The following TMEM131 variants were observed in gnomAD, a reference collection of about 807,000 sequenced individuals.
TMEM131 encodes 2610524E03Rik.
Under a neutral mutation model 211.6 loss-of-function variants are expected in TMEM131, and 66 were observed. The ratio of observed to expected loss-of-function variants is 0.31; its 90% CI spans 0.26 to 0.38. TMEM131 has a LOEUF of 0.38. Ranked by LOEUF, TMEM131 falls within the 10% of genes least tolerant of loss-of-function variation. TMEM131 has a pLI of 1.00. For synonymous variants in TMEM131, 844 were observed against 841.3 expected, an observed-to-expected ratio of 1.00 and a Z score of -0.06; for missense variants, 2,036 against 2,299.3, an observed-to-expected ratio of 0.89 and a Z score of 2.34.
At chr2:97,936,696 A>AGGG (rs1389637537) in intron 1 of TMEM131, among the ~76,000 whole-genome samples, 1 of 152,206 alleles carries the variant, frequency 6.6e-6, no homozygotes, top group Non-Finnish European at 1.5e-5. Flanking sequence ...AACCTTAGGG[A>AGGG]GGGGAAAATC....
chr2:97,857,106 T>TAGTA (rs1452780584), intron 5 of TMEM131, among the ~76,000 whole-genome samples: 2 of 152,264 alleles, frequency 1.3e-5, no homozygotes, highest in African/African-American at 4.8e-5. Flanking sequence ...AACGTCAAGT[T>TAGTA]AGTAGCCTTT....
chr2:97,879,963 T>C (rs762491009), intron 4 of TMEM131, among the ~76,000 whole-genome samples: 13 of 152,166 alleles, frequency 8.5e-5, no homozygotes, highest in Non-Finnish European at 1.6e-4. Flanking sequence ...AAGGATCAAC[T>C]GTATGGCAGT....
At chr2:97,782,444 A>T (rs904321974) in intron 31 of TMEM131, among the ~76,000 whole-genome samples, 1 of 152,224 alleles carries the variant, frequency 6.6e-6, no homozygotes, top group Non-Finnish European at 1.5e-5. Flanking sequence ...CCAGGTTTCA[A>T]TCTACAGCCA....
intron 1 of TMEM131, among the ~76,000 whole-genome samples, chr2:97,994,647 T>C (rs1257630691): frequency 6.6e-6 from 1 of 152,190 alleles, no homozygotes; most frequent in Non-Finnish European, 1.5e-5. Context: ...GAAGGCTCTG[T>C]GACCATTCAC....
chr2:97,959,786 CT>C lies in TMEM131; in HGVS notation c.188-32300del, dbSNP rs1293788703. Among the ~76,000 whole-genome samples the C allele has an allele frequency of 3.9e-5, 6 of 151,938 alleles. No individual in the cohort carries two copies. In the South Asian group the frequency reaches 8.3e-4, roughly 21 times the overall value. On this transcript the variant is annotated intron_variant, in intron 1 of 40. Coordinates refer to ENST00000186436, the MANE Select transcript of TMEM131 (RefSeq NM_015348.2). ...TCCACCCCAAAATGTCCTTTATAAC[CT>C]TTTTTTTCAGTCCAGCATCCAATCA...
intron 31 of TMEM131, among the ~76,000 whole-genome samples, chr2:97,789,717 C>T (rs1184600812): frequency 6.6e-6 from 1 of 152,196 alleles, no homozygotes; most frequent in Non-Finnish European, 1.5e-5. Context: ...GCCAGGCTCA[C>T]GGCTTTCTTG....
chr2:97,786,714 T>C (rs2104861308), intron 31 of TMEM131, among the ~76,000 whole-genome samples: 1 of 152,264 alleles, frequency 6.6e-6, no homozygotes, highest in South Asian at 2.1e-4. Flanking sequence ...GGTGACTGAG[T>C]GTTCATCTGA....
chr2:97,950,714 TG>T (rs1678272722), intron 1 of TMEM131, among the ~76,000 whole-genome samples: 1 of 152,190 alleles, frequency 6.6e-6, no homozygotes, highest in Non-Finnish European at 1.5e-5. Context: ...GGCATGGGTC[TG>T]CTGATTCCAA....
intron 1 of TMEM131, among the ~76,000 whole-genome samples, chr2:97,930,034 C>G (rs1173411111): frequency 6.6e-6 from 1 of 151,720 alleles, no homozygotes; most frequent in Non-Finnish European, 1.5e-5. Context: ...ACCTGTTCCC[C>G]CCACTTTTTA....
Position 97,927,446 on chromosome 2 carries a change from C to G in TMEM131, c.229G>C (p.Asp77His). 1 of 1,589,356 alleles carries G rather than the reference C, an allele frequency of 6.3e-7. No individual in the cohort carries two copies. The highest frequency in any genetic ancestry group is 8.6e-7 in the Non-Finnish European group (1 of 1,168,412). The change falls in exon 2 of 41, where the codon GAT becomes CAT. Residue 77 changes from aspartate to histidine, a missense_variant. This residue lies in a region of TMEM131 where 136 missense variants were observed against 115.4 expected (regional missense o/e 1.18). Transcript: ENST00000186436. ...ATTACCTGTAGTAGCCCTCCATCAT[C>G]AAAACGCAGTACTTCTATTATGCTC... ...SESIIEVLRF[D>H]DGGLLQTETT... is the part of the protein sequence containing the mutation.
Position 97,772,315 on chromosome 2 carries a change from G to T in TMEM131, c.4430C>A (p.Pro1477Gln). The T allele has an allele frequency of 6.2e-7, 1 of 1,602,474 alleles. No homozygotes were observed. The highest frequency in any genetic ancestry group is 8.5e-7 in the Non-Finnish European group (1 of 1,177,288). ...KKLLNIKKEI[P>Q]TDVKPSSLEL... ...CTCTCACCTGGGTTTCACATCTGTTGGGATTTCTTTCTTAATATTTAAGAG... is the reference window on the plus strand; with the variant it reads ...CTCTCACCTGGGTTTCACATCTGTTTGGATTTCTTTCTTAATATTTAAGAG... Residue 1477 changes from proline (P) to glutamine (Q), a missense_variant, in exon 33 of 41, where the codon CCA (proline) becomes CAA (glutamine). Transcript: ENST00000186436.
At chr2:97,916,579 G>T (rs1186565003) in intron 2 of TMEM131, among the ~76,000 whole-genome samples, 2 of 152,252 alleles carry the variant, frequency 1.3e-5, no homozygotes, top group African/African-American at 4.8e-5. Flanking sequence ...AAAATTAGTT[G>T]TAATATTGTA....
At chr2:97,829,792 C>A (rs1232621384) in intron 11 of TMEM131, among the ~76,000 whole-genome samples, 1 of 152,158 alleles carries the variant, frequency 6.6e-6, no homozygotes. Context: ...TCTGGACACA[C>A]AATGAAGGCT....
At chr2:97,813,508 C>A (rs760811093) in intron 15 of TMEM131, among the ~76,000 whole-genome samples, 2 of 152,120 alleles carry the variant, frequency 1.3e-5, no homozygotes, top group Non-Finnish European at 2.9e-5. Flanking sequence ...CCTTCTGTGT[C>A]ATATATAATC....
At chr2:97,877,339 G>A (rs566338981) in intron 4 of TMEM131, among the ~76,000 whole-genome samples, 1 of 152,298 alleles carries the variant, frequency 6.6e-6, no homozygotes, top group South Asian at 2.1e-4. Flanking sequence ...TTTCTTCATA[G>A]AATTGGAAAA....
At chr2:97,821,042 A>G (rs1682093599) in intron 11 of TMEM131, among the ~76,000 whole-genome samples, 1 of 152,172 alleles carries the variant, frequency 6.6e-6, no homozygotes. Flanking sequence ...TTCCACAGAT[A>G]TGGCTCCTGA....
intron 3 of TMEM131, among the ~76,000 whole-genome samples, chr2:97,896,692 A>G (rs1409468055): frequency 6.6e-6 from 1 of 151,610 alleles, no homozygotes; most frequent in Non-Finnish European, 1.5e-5. Flanking sequence ...CCCCTGCTGA[A>G]AAGGAGTATT....
chr2:97,822,431 C>T (rs1165676668), intron 11 of TMEM131, among the ~76,000 whole-genome samples: 5 of 152,154 alleles, frequency 3.3e-5, no homozygotes, highest in Non-Finnish European at 7.3e-5. Context: ...AGATCCCTTC[C>T]CTTGCTCAGG....
chr2:97,859,736 G>GTACCAC (rs1673989578), intron 4 of TMEM131, among the ~76,000 whole-genome samples: 1 of 152,132 alleles, frequency 6.6e-6, no homozygotes, highest in Non-Finnish European at 1.5e-5. Flanking sequence ...CTTTCTTTCT[G>GTACCAC]TACCACCACC....
Sources: allele counts gnomAD v4.1 joint callset (sites outside exome capture counted in the v4.1 genomes callset), GRCh38; gene constraint gnomAD v4.1.1; regional missense constraint gnomAD v4.1.1; transcripts MANE v1.5; gene names NCBI Gene and HGNC (gene_info 2026-07-23, HGNC 2026-07-21).